The following GPC6 variants were observed in gnomAD, a reference collection of about 807,000 sequenced individuals.
The protein encoded by GPC6 is glypican-6.
In GPC6, 14 loss-of-function variants were observed where a neutral mutation model predicts 55.2. The observed-to-expected ratio is 0.25, with a 90% CI of 0.17 to 0.40. GPC6 has a LOEUF of 0.40. GPC6 is among the 10% of genes least tolerant of loss of function. The pLI, the probability that GPC6 is intolerant of heterozygous loss-of-function variation, is 1.00. For missense variants in GPC6, 641 were observed against 708.5 expected, an observed-to-expected ratio of 0.90 and a Z score of 1.08; for synonymous variants, 278 against 259.6, an observed-to-expected ratio of 1.07 and a Z score of -0.68.
At chr13:93,261,925 TAC>T (rs34841808) in intron 1 of GPC6, among the ~76,000 whole-genome samples, 16,538 of 144,370 alleles carry the variant, frequency 0.11, 962 homozygotes, top group African/African-American at 0.15. Context: ...TCTCTCCCTC[TAC>T]ACACACACAC....
chr13:93,220,601 C>T, the GPC6 span, among the ~76,000 whole-genome samples: 38 of 152,280 alleles, frequency 2.5e-4, 1 homozygote, highest in Middle Eastern at 0.01. Flanking sequence ...CATTGTCAAA[C>T]GCATCTATTA....
At chr13:94,219,155 G>C (rs1338805361) in intron 4 of GPC6, among the ~76,000 whole-genome samples, 1 of 152,172 alleles carries the variant, frequency 6.6e-6, no homozygotes, top group Non-Finnish European at 1.5e-5. Flanking sequence ...CCCTTTAAAA[G>C]AGTCGACTGC....
chr13:93,481,998 T>G (rs1879539516), intron 1 of GPC6, among the ~76,000 whole-genome samples: 1 of 152,190 alleles, frequency 6.6e-6, no homozygotes, highest in South Asian at 2.1e-4. Flanking sequence ...GGATCAATTT[T>G]GGAGTGTTGC....
chr13:93,720,111 A>C (rs1883400112), intron 2 of GPC6, among the ~76,000 whole-genome samples: 1 of 152,072 alleles, frequency 6.6e-6, no homozygotes, highest in Non-Finnish European at 1.5e-5. Context: ...TGAGTTAGGG[A>C]GGATTCCCTC....
chr13:93,532,915 T>C lies in GPC6; in HGVS notation c.161-12348T>C, dbSNP rs1362951851. On this transcript the variant is annotated intron_variant, in intron 1 of 8. Coordinates refer to ENST00000377047, the MANE Select transcript of GPC6 (RefSeq NM_005708.5). ...TTTTAGAACTACAAGAATTAGCATT[T>C]AAAGTTTTTATCAGGAAATTGACAT... Among the ~76,000 whole-genome samples, 3 of 152,220 alleles carry C rather than the reference T, an allele frequency of 2.0e-5. No individual in the cohort carries two copies. The South Asian group carries it at 6.2e-4, about 31-fold the overall frequency.
At chr13:94,179,774 A>G (rs184485754) in intron 4 of GPC6, among the ~76,000 whole-genome samples, 29 of 152,278 alleles carry the variant, frequency 1.9e-4, no homozygotes, top group Non-Finnish European at 3.5e-4. Context: ...TAATACCACT[A>G]TGAAATTCTC....
At chr13:94,271,366 ACGCGCG>A (rs35593846) in intron 4 of GPC6, among the ~76,000 whole-genome samples, 49 of 131,310 alleles carry the variant, frequency 3.7e-4, no homozygotes, top group South Asian at 7.4e-4. Context: ...ACACACACAC[ACGCGCG>A]CGCGCGCGCG....
intron 4 of GPC6, among the ~76,000 whole-genome samples, chr13:94,162,665 AC>A (rs1305935884): frequency 2.0e-5 from 3 of 152,154 alleles, no homozygotes; most frequent in Non-Finnish European, 2.9e-5. Flanking sequence ...TTAGTCATCT[AC>A]TTGGATGTTA....
At chr13:93,702,782 A>G (rs144393068) in intron 2 of GPC6, among the ~76,000 whole-genome samples, 7 of 152,040 alleles carry the variant, frequency 4.6e-5, no homozygotes, top group African/African-American at 1.7e-4. Flanking sequence ...TAGCCTTCAG[A>G]GTTTTCTTGT....
chr13:93,867,416 A>G (rs959425681), intron 3 of GPC6, among the ~76,000 whole-genome samples: 1 of 151,716 alleles, frequency 6.6e-6, no homozygotes, highest in South Asian at 2.1e-4. Flanking sequence ...TGGACAAGCT[A>G]CTGAACATCT....
Position 93,751,156 on chromosome 13 carries a change from GA to G in GPC6, c.320-78993del, listed in dbSNP as rs1365417646. ...TACAGCTTTTCAAGTCCCAAAAAAA[GA>G]AAAACAAACAAACAAACAAACAAAC... is the stretch of plus-strand genomic sequence containing the variant. On this transcript the variant is annotated intron_variant, in intron 2 of 8. Transcript: ENST00000377047. Among the ~76,000 whole-genome samples, 31 of 82,624 alleles carry G rather than the reference GA, an allele frequency of 3.8e-4. No homozygotes were observed. In the Admixed American group the frequency reaches 4.7e-3, roughly 13 times the overall value. The allele number at this position is 82,624 out of a possible 152,430, so 54.2% of individuals were successfully genotyped here.
chr13:93,898,582 A>G (rs1323067929), intron 3 of GPC6, among the ~76,000 whole-genome samples: 1 of 152,184 alleles, frequency 6.6e-6, no homozygotes, highest in East Asian at 1.9e-4. Flanking sequence ...AGCCAGCAGC[A>G]TATCAAACCA....
intron 2 of GPC6, among the ~76,000 whole-genome samples, chr13:93,604,468 C>A (rs899348242): frequency 6.6e-6 from 1 of 152,146 alleles, no homozygotes. Flanking sequence ...CAGAGTCTGT[C>A]ACAGCCCAGT....
intron 4 of GPC6, among the ~76,000 whole-genome samples, chr13:94,118,442 G>A (rs904702601): frequency 3.3e-5 from 5 of 152,092 alleles, no homozygotes; most frequent in South Asian, 2.1e-4. Flanking sequence ...ACCCAGTCTC[G>A]GGAAGTTCTT....
At chr13:93,320,873 G>GA (rs1180444113) in intron 1 of GPC6, among the ~76,000 whole-genome samples, 1 of 152,146 alleles carries the variant, frequency 6.6e-6, no homozygotes, top group African/African-American at 2.4e-5. Context: ...TAAGACAGGT[G>GA]AAGTATTGTG....
the GPC6 span, among the ~76,000 whole-genome samples, chr13:93,220,818 T>C: frequency 6.6e-6 from 1 of 152,150 alleles, no homozygotes; most frequent in Non-Finnish European, 1.5e-5. Context: ...GGCATGAAAA[T>C]CACTTAGAAT....
intron 1 of GPC6, among the ~76,000 whole-genome samples, chr13:93,426,457 G>C (rs1266299062): frequency 8.5e-6 from 1 of 118,030 alleles, no homozygotes; most frequent in Non-Finnish European, 1.7e-5. Context: ...TCATTGTTCA[G>C]TTCCCACCTA....
At chr13:93,360,490 G>A (rs917448694) in intron 1 of GPC6, among the ~76,000 whole-genome samples, 2 of 152,066 alleles carry the variant, frequency 1.3e-5, no homozygotes, top group Non-Finnish European at 2.9e-5. Flanking sequence ...AAGTTAGTAT[G>A]GTCCACGGAT....
intron 4 of GPC6, among the ~76,000 whole-genome samples, chr13:94,197,491 G>A (rs1452738071): frequency 6.6e-6 from 1 of 152,180 alleles, no homozygotes; most frequent in Non-Finnish European, 1.5e-5. Context: ...TTCTCCACCT[G>A]ACTTGCAAAC....
Sources: allele counts gnomAD v4.1 joint callset (sites outside exome capture counted in the v4.1 genomes callset), GRCh38; gene constraint gnomAD v4.1.1; transcripts MANE v1.5; gene names NCBI Gene and HGNC (gene_info 2026-07-23, HGNC 2026-07-21).